GPRIN3: variants seen among roughly 807,000 people sequenced by gnomAD.
The protein encoded by GPRIN3 is G protein-regulated inducer of neurite outgrowth 3.
Under a neutral mutation model 13.7 loss-of-function variants are expected in GPRIN3, and 12 were observed. The ratio of observed to expected loss-of-function variants is 0.87; its 90% CI spans 0.56 to 1.42. The LOEUF is 1.42. Ranked by LOEUF, GPRIN3 falls within the 40% of genes most tolerant of loss-of-function variation. GPRIN3 has a pLI of 0.00. For synonymous variants in GPRIN3, 377 were observed against 372.7 expected (o/e 1.01, Z -0.13); for missense variants, 1,009 against 958.7 (o/e 1.05, Z -0.69).
At chr4:89,279,883 A>C (rs554913832) in intron 1 of GPRIN3, among the ~76,000 whole-genome samples, 1 of 152,308 alleles carries the variant, frequency 6.6e-6, no homozygotes, top group South Asian at 2.1e-4. Flanking sequence ...CTAATTACTT[A>C]TATGTTCATA....
At chr4:89,304,532 C>G (rs536697952) in intron 1 of GPRIN3, among the ~76,000 whole-genome samples, 4 of 152,210 alleles carry the variant, frequency 2.6e-5, no homozygotes, top group African/African-American at 4.8e-5. Flanking sequence ...TCACAGTGTG[C>G]TAGTTTGAAA....
intron 1 of GPRIN3, among the ~76,000 whole-genome samples, chr4:89,272,044 G>A (rs1266369751): frequency 1.3e-5 from 2 of 152,116 alleles, no homozygotes; most frequent in African/African-American, 4.8e-5. Context: ...GAACCAGAAA[G>A]GGAACCTTCT....
intron 1 of GPRIN3, among the ~76,000 whole-genome samples, chr4:89,270,575 A>ATAT (rs1723911884): frequency 1.0e-5 from 1 of 97,382 alleles, no homozygotes; most frequent in African/African-American, 6.3e-5. Context: ...TTATATATAT[A>ATAT]TATATATATA....
chr4:89,261,442 G>T (rs532386029), intron 1 of GPRIN3, among the ~76,000 whole-genome samples: 1 of 152,288 alleles, frequency 6.6e-6, no homozygotes, highest in Admixed American at 6.5e-5. Context: ...CCTGTGAGTT[G>T]ATGTAAGATA....
intron 1 of GPRIN3, among the ~76,000 whole-genome samples, chr4:89,253,479 A>C (rs893430194): frequency 1.3e-5 from 2 of 152,198 alleles, no homozygotes; most frequent in Non-Finnish European, 2.9e-5. Context: ...TAAAGCCAGG[A>C]ACACAGAATA....
intron 1 of GPRIN3, among the ~76,000 whole-genome samples, chr4:89,281,757 G>C (rs964795321): frequency 6.6e-6 from 1 of 152,110 alleles, no homozygotes; most frequent in African/African-American, 2.4e-5. Flanking sequence ...GTGGTATTTT[G>C]TTATGGCCAC....
Position 89,249,921 on chromosome 4 carries a change from C to A in GPRIN3, c.190G>T (p.Ala64Ser). The A allele has an allele frequency of 6.2e-7, 1 of 1,614,204 alleles. No homozygotes were observed. Among genetic ancestry groups the A allele is most frequent in the South Asian group, 1.1e-5 (1 of 91,092 alleles). ...PDLSPRAAAE[A>S]LMQVCEHETT... ...TCATGCTCACAAACCTGCATCAGGG[C>A]TTCGGCAGCTGCCCTGGGGCTGAGG... Residue 64 changes from alanine to serine, a missense_variant, in exon 2 of 2, where the codon GCC becomes TCC. By Grantham distance (99) the Ala-to-Ser change is moderately conservative. Coordinates refer to ENST00000609438, the MANE Select transcript of GPRIN3 (RefSeq NM_198281.3).
At chr4:89,292,053 T>C (rs1334691804) in intron 1 of GPRIN3, among the ~76,000 whole-genome samples, 1 of 152,172 alleles carries the variant, frequency 6.6e-6, no homozygotes, top group Non-Finnish European at 1.5e-5. Context: ...TACATGAAGC[T>C]CTGCCACCCC....
chr4:89,250,702 A>G (rs1398551323), intron 1 of GPRIN3: 1 of 151,660 alleles, frequency 6.6e-6, no homozygotes, highest in Non-Finnish European at 1.5e-5. Flanking sequence ...CAAAAGAAGT[A>G]TTACAATTTG....
intron 1 of GPRIN3, among the ~76,000 whole-genome samples, chr4:89,291,004 G>A (rs1055743076): frequency 6.6e-6 from 1 of 152,102 alleles, no homozygotes; most frequent in Non-Finnish European, 1.5e-5. Flanking sequence ...TTAAAGAGAC[G>A]TTTGAGACAG....
chr4:89,281,903 T>C (rs775065218), intron 1 of GPRIN3, among the ~76,000 whole-genome samples: 10 of 151,932 alleles, frequency 6.6e-5, no homozygotes, highest in African/African-American at 1.5e-4. Context: ...TACAAGTCTT[T>C]CCTCTGTTGT....
At position 89,239,561 on chromosome 4, in the gene GPRIN3, AAT is replaced by A. The variant is rs1402288742; in HGVS notation, c.*8217_*8218del. The A allele has an allele frequency of 6.6e-6, 1 of 152,162 alleles. No homozygotes were observed. Among genetic ancestry groups the A allele is most frequent in the African/African-American group, 2.4e-5 (1 of 41,438 alleles). The allele number at this position is 152,162 out of a possible 1,614,324, so 9.4% of individuals were successfully genotyped here. A position where few individuals can be genotyped will look rare whatever the true frequency, so the allele number is the denominator to read the frequency against. On this transcript the variant is annotated 3_prime_UTR_variant, in exon 2 of 2. Transcript: ENST00000609438. ...TGGCACATTCGTTCTCTAAAACATG[AAT>A]ATGTTTTTAAATGTTATTCTTAACT...
At chr4:89,270,345 A>C (rs562350815) in intron 1 of GPRIN3, among the ~76,000 whole-genome samples, 7 of 140,834 alleles carry the variant, frequency 5.0e-5, no homozygotes, top group South Asian at 2.3e-4. Flanking sequence ...AACAAACAAA[A>C]AAACAACCAA....
chr4:89,270,624 T>C (rs1723923796), intron 1 of GPRIN3, among the ~76,000 whole-genome samples: 1 of 129,358 alleles, frequency 7.7e-6, no homozygotes. Context: ...ATATGCAGCC[T>C]CAACCTTCTG....
rs191428505 is a variant in GPRIN3 at position 89,251,111 on chromosome 4, T to C, written c.-123-878A>G. The C allele has an allele frequency of 3.9e-5, 6 of 152,238 alleles. No homozygotes were observed. The East Asian group carries it at 1.2e-3, about 29-fold the overall frequency. 9.4% of individuals were successfully genotyped at this position (152,238 alleles called of 1,614,324 possible). A position where few individuals can be genotyped will look rare whatever the true frequency, so the allele number is the denominator to read the frequency against. On this transcript the variant is annotated intron_variant, in intron 1 of 1. Transcript: ENST00000609438. ...ATAATATAGCAGGAGCTCTTTAACATTTATGAGGAGATCAAATAATCCATT... is the reference window on the plus strand; with the variant it reads ...ATAATATAGCAGGAGCTCTTTAACACTTATGAGGAGATCAAATAATCCATT...
Position 89,249,242 on chromosome 4 carries a change from C to T in GPRIN3, c.869G>A (p.Arg290His), listed in dbSNP as rs148496084. The change falls in exon 2 of 2, where the codon CGT becomes CAT. Residue 290 changes from arginine to histidine, a missense_variant. Coordinates refer to ENST00000609438, the MANE Select transcript of GPRIN3 (RefSeq NM_198281.3). ...GGCTTCTTTGAACCTTGACATCTGACGCTGTGCTGGCAGCGGCACCTTCTC... is the reference window on the plus strand; with the variant it reads ...GGCTTCTTTGAACCTTGACATCTGATGCTGTGCTGGCAGCGGCACCTTCTC... ...GPEKVPLPAQ[R>H]QMSRFKEAST... The T allele has an allele frequency of 1.1e-4, 182 of 1,614,074 alleles. 2 individuals carry two copies. The highest frequency in any genetic ancestry group is 7.5e-4 in the South Asian group (68 of 91,082).
chr4:89,260,409 C>T (rs1723591754), intron 1 of GPRIN3, among the ~76,000 whole-genome samples: 1 of 152,170 alleles, frequency 6.6e-6, no homozygotes. Context: ...CAGGTTTGAT[C>T]TGACAGTTGT....
At chr4:89,286,617 C>T (rs1561221777) in intron 1 of GPRIN3, among the ~76,000 whole-genome samples, 1 of 151,890 alleles carries the variant, frequency 6.6e-6, no homozygotes, top group East Asian at 1.9e-4. Flanking sequence ...CGTACATATC[C>T]TTTTATACAT....
intron 1 of GPRIN3, among the ~76,000 whole-genome samples, chr4:89,287,033 T>G (rs767830542): frequency 2.0e-5 from 3 of 152,198 alleles, no homozygotes; most frequent in Non-Finnish European, 2.9e-5. Flanking sequence ...GGCCTCAGAA[T>G]CTTGAGGAAT....
Sources: allele counts gnomAD v4.1 joint callset (sites outside exome capture counted in the v4.1 genomes callset), GRCh38; gene constraint gnomAD v4.1.1; transcripts MANE v1.5; gene names NCBI Gene and HGNC (gene_info 2026-07-23, HGNC 2026-07-21).